The following KCNIP4 variants were observed in gnomAD, a reference collection of about 807,000 sequenced individuals.
KCNIP4 encodes the protein potassium voltage-gated channel interacting protein 4.
A neutral mutation model predicts 34.0 loss-of-function variants in KCNIP4; 12 were observed. The ratio of observed to expected loss-of-function variants is 0.35; its 90% CI spans 0.23 to 0.57. KCNIP4 has a LOEUF of 0.57. KCNIP4 is among the 20% of genes least tolerant of loss of function. The probability of loss-of-function intolerance (pLI) is 0.83; values close to 1 mark genes in which losing one functional copy is unlikely to be tolerated. For synonymous variants in KCNIP4, 124 were observed against 102.2 expected (o/e 1.21, Z -1.29); for missense variants, 238 against 311.7 (o/e 0.76, Z 1.78).
chr4:20,993,952 C>T (rs1374245690), intron 1 of KCNIP4, among the ~76,000 whole-genome samples: 2 of 152,176 alleles, frequency 1.3e-5, no homozygotes, highest in Non-Finnish European at 1.5e-5. Flanking sequence ...TGGCCCCTTC[C>T]ATTGTTAGTG....
intron 1 of KCNIP4, among the ~76,000 whole-genome samples, chr4:21,455,788 G>A (rs1184552293): frequency 7.8e-6 from 1 of 128,356 alleles, no homozygotes; most frequent in Non-Finnish European, 1.6e-5. Context: ...TCATATTAAT[G>A]TGATAGTCTT....
At chr4:20,840,809 T>A (rs1719631278) in intron 3 of KCNIP4, among the ~76,000 whole-genome samples, 1 of 152,198 alleles carries the variant, frequency 6.6e-6, no homozygotes. Flanking sequence ...TATGGTGACG[T>A]GCTGGATACC....
At chr4:21,798,200 A>C (rs1308001793) in intron 1 of KCNIP4, among the ~76,000 whole-genome samples, 1 of 151,882 alleles carries the variant, frequency 6.6e-6, no homozygotes, top group Non-Finnish European at 1.5e-5. Context: ...ATGTATACAT[A>C]TCAGACTTAT....
At chr4:20,920,607 G>T (rs1392613893) in intron 1 of KCNIP4, among the ~76,000 whole-genome samples, 1 of 152,184 alleles carries the variant, frequency 6.6e-6, no homozygotes, top group Non-Finnish European at 1.5e-5. Flanking sequence ...ATGTTTTTAT[G>T]AGACATGCAC....
In KCNIP4 at chr4:21,037,207, A is replaced by G. The variant is rs551574006; in HGVS notation, c.62-154498T>C. On this transcript the variant is annotated intron_variant, in intron 1 of 8. Transcript: ENST00000382152. Reference sequence around the variant, plus strand: ...AACGTTAATTTATTACTGAAGAAAAAATATTCTTATAAATTTAATGTCGCC... The same window carrying G: ...AACGTTAATTTATTACTGAAGAAAAGATATTCTTATAAATTTAATGTCGCC... 2.5e-4 allele frequency among the ~76,000 whole-genome samples: 38 copies of G among 152,290 alleles called. No individual in the cohort carries two copies. The South Asian group carries it at 5.6e-3, about 22-fold the overall frequency.
intron 2 of KCNIP4, among the ~76,000 whole-genome samples, chr4:20,859,173 T>C (rs754836862): frequency 2.0e-5 from 3 of 152,092 alleles, no homozygotes; most frequent in Non-Finnish European, 4.4e-5. Context: ...CATGGTAGAA[T>C]AAGGTACGAA....
intron 1 of KCNIP4, among the ~76,000 whole-genome samples, chr4:21,367,180 T>C (rs886479045): frequency 2.0e-5 from 3 of 152,308 alleles, no homozygotes; most frequent in Middle Eastern, 3.4e-3. Context: ...TGTGAGAACA[T>C]AGCTTCCTAT....
intron 4 of KCNIP4, among the ~76,000 whole-genome samples, chr4:20,753,546 T>C (rs1754003525): frequency 6.6e-6 from 1 of 152,178 alleles, no homozygotes; most frequent in Non-Finnish European, 1.5e-5. Flanking sequence ...CCCAGGTTTG[T>C]AGAATGAAAT....
At chr4:21,590,741 G>A (rs1170619451) in intron 1 of KCNIP4, among the ~76,000 whole-genome samples, 1 of 151,958 alleles carries the variant, frequency 6.6e-6, no homozygotes, top group Non-Finnish European at 1.5e-5. Context: ...CACAGTACAT[G>A]TTATTAGTTT....
At chr4:20,861,189 C>T (rs1722161798) in intron 2 of KCNIP4, among the ~76,000 whole-genome samples, 1 of 152,148 alleles carries the variant, frequency 6.6e-6, no homozygotes, top group African/African-American at 2.4e-5. Flanking sequence ...CATTTGACCT[C>T]CCTGGATAGA....
intron 1 of KCNIP4, among the ~76,000 whole-genome samples, chr4:21,780,648 T>C (rs1719518675): frequency 6.6e-6 from 1 of 152,172 alleles, no homozygotes; most frequent in Non-Finnish European, 1.5e-5. Flanking sequence ...AGTGGCAACC[T>C]GACAGGTAAC....
chr4:21,320,399 A>G (rs1213587260), intron 1 of KCNIP4, among the ~76,000 whole-genome samples: 2 of 152,196 alleles, frequency 1.3e-5, no homozygotes, highest in Non-Finnish European at 2.9e-5. Flanking sequence ...AGTCAAGGAA[A>G]CTATAGAGAA....
chr4:20,735,875 T>G (rs1749510373), intron 5 of KCNIP4, among the ~76,000 whole-genome samples: 2 of 152,290 alleles, frequency 1.3e-5, no homozygotes, highest in South Asian at 4.1e-4. Flanking sequence ...AACGTTACAA[T>G]GTGCTGTATT....
intron 1 of KCNIP4, among the ~76,000 whole-genome samples, chr4:21,740,096 A>C (rs1290626603): frequency 6.6e-6 from 1 of 152,124 alleles, no homozygotes; most frequent in African/African-American, 2.4e-5. Flanking sequence ...ATATGTATAC[A>C]CATGAATATA....
At chr4:21,225,142 G>A (rs921417945) in intron 1 of KCNIP4, among the ~76,000 whole-genome samples, 7 of 152,010 alleles carry the variant, frequency 4.6e-5, no homozygotes, top group African/African-American at 1.7e-4. Context: ...CAGGTTTTTT[G>A]GGGCATAACC....
intron 1 of KCNIP4, among the ~76,000 whole-genome samples, chr4:21,594,352 G>A (rs978519858): frequency 2.0e-5 from 3 of 152,192 alleles, no homozygotes; most frequent in East Asian, 1.9e-4. Context: ...AGCAACCAAC[G>A]ACAAATAAGG....
intron 1 of KCNIP4, among the ~76,000 whole-genome samples, chr4:20,916,020 A>C (rs1411063529): frequency 1.3e-5 from 2 of 152,184 alleles, no homozygotes; most frequent in African/African-American, 2.4e-5. Context: ...AAGGGGAATA[A>C]ATTTTATGAT....
chr4:21,060,989 C>G (rs544075829), intron 1 of KCNIP4, among the ~76,000 whole-genome samples: 2 of 152,228 alleles, frequency 1.3e-5, no homozygotes, highest in Middle Eastern at 6.8e-3. Flanking sequence ...AGATAACGAG[C>G]CTGTTAAAAG....
At chr4:21,504,782 A>C (rs1443518197) in intron 1 of KCNIP4, among the ~76,000 whole-genome samples, 1 of 152,162 alleles carries the variant, frequency 6.6e-6, no homozygotes, top group Admixed American at 6.5e-5. Flanking sequence ...CATGAACAAA[A>C]TGTAACTGAT....
Sources: allele counts gnomAD v4.1 joint callset (sites outside exome capture counted in the v4.1 genomes callset), GRCh38; gene constraint gnomAD v4.1.1; transcripts MANE v1.5; gene names NCBI Gene and HGNC (gene_info 2026-07-23, HGNC 2026-07-21).